The following MAN1A2 variants were observed in gnomAD, a reference collection of about 807,000 sequenced individuals.
The protein encoded by MAN1A2 is mannosyl-oligosaccharide 1,2-alpha-mannosidase IB.
Under a neutral mutation model 75.7 loss-of-function variants are expected in MAN1A2, and 26 were observed. That is an observed-to-expected ratio of 0.34 (90% CI 0.25 to 0.48). MAN1A2 has a LOEUF of 0.48. Ranked by LOEUF, MAN1A2 falls within the 20% of genes least tolerant of loss-of-function variation. The probability of loss-of-function intolerance (pLI) is 0.99; values close to 1 mark genes in which losing one functional copy is unlikely to be tolerated. For synonymous variants in MAN1A2, 247 were observed against 264.6 expected, an observed-to-expected ratio of 0.93 and a Z score of 0.65; for missense variants, 562 against 775.5, an observed-to-expected ratio of 0.72 and a Z score of 3.27.
intron 1 of MAN1A2, among the ~76,000 whole-genome samples, chr1:117,384,860 C>CT (rs1167028101): frequency 1.3e-5 from 2 of 152,100 alleles, no homozygotes; most frequent in Non-Finnish European, 2.9e-5. Context: ...TGCTTTAGTG[C>CT]TTCCTGTTGG....
At chr1:117,396,125 A>G (rs1307483869) in intron 1 of MAN1A2, among the ~76,000 whole-genome samples, 1 of 152,218 alleles carries the variant, frequency 6.6e-6, no homozygotes, top group African/African-American at 2.4e-5. Flanking sequence ...AATTACCTGT[A>G]TGGTTGAACT....
intron 12 of MAN1A2, among the ~76,000 whole-genome samples, chr1:117,518,911 C>A (rs1178298197): frequency 2.6e-5 from 4 of 152,032 alleles, no homozygotes; most frequent in Non-Finnish European, 5.9e-5. Context: ...ATGGAACTTT[C>A]TCCAAGATAG....
chr1:117,479,645 T>C (rs1229541055), intron 8 of MAN1A2, among the ~76,000 whole-genome samples: 2 of 151,892 alleles, frequency 1.3e-5, no homozygotes, highest in African/African-American at 4.8e-5. Flanking sequence ...TTCTGACTGG[T>C]GTGAGATGGT....
chr1:117,393,569 AT>A (rs1312363205), intron 1 of MAN1A2, among the ~76,000 whole-genome samples: 1 of 152,024 alleles, frequency 6.6e-6, no homozygotes, highest in Admixed American at 6.6e-5. Flanking sequence ...AGGCTATTTA[AT>A]ATCTAACTTT....
intron 11 of MAN1A2, 83 bp downstream of exon 11, chr1:117,499,637 C>T: frequency 9.0e-7 from 1 of 1,115,350 alleles, no homozygotes; most frequent in Non-Finnish European, 1.2e-6. Context: ...ACCCATGTTA[C>T]CTCATTTTTA....
intron 8 of MAN1A2, among the ~76,000 whole-genome samples, chr1:117,476,773 GTT>G (rs1650327733): frequency 6.6e-6 from 1 of 152,048 alleles, no homozygotes; most frequent in Admixed American, 6.6e-5. Flanking sequence ...TCATAGTATA[GTT>G]TGAAGTCAGG....
intron 7 of MAN1A2, among the ~76,000 whole-genome samples, chr1:117,461,493 AAT>A (rs1649819938): frequency 1.3e-5 from 2 of 152,154 alleles, no homozygotes; most frequent in African/African-American, 2.4e-5. Flanking sequence ...TTGATAGCAC[AAT>A]AGAGTGACTA....
intron 1 of MAN1A2, among the ~76,000 whole-genome samples, chr1:117,397,950 C>A (rs12566919): frequency 0.25 from 38,027 of 151,940 alleles, 5,549 homozygotes; most frequent in East Asian, 0.48. Flanking sequence ...CCACACCCGG[C>A]CTTACAACTC....
At chr1:117,495,358 C>T (rs1025240506) in intron 9 of MAN1A2, among the ~76,000 whole-genome samples, 4 of 151,696 alleles carry the variant, frequency 2.6e-5, no homozygotes, top group African/African-American at 9.7e-5. Context: ...TTTTCAAAAA[C>T]TATTCTATTA....
At chr1:117,439,535 C>G (rs1273132768) in intron 5 of MAN1A2, among the ~76,000 whole-genome samples, 1 of 151,890 alleles carries the variant, frequency 6.6e-6, no homozygotes, top group Admixed American at 6.6e-5. Flanking sequence ...GCTCTGTTGC[C>G]CAGGCTGGAG....
intron 1 of MAN1A2, among the ~76,000 whole-genome samples, chr1:117,401,148 T>G (rs1454351750): frequency 3.0e-5 from 4 of 131,446 alleles, no homozygotes; most frequent in Non-Finnish European, 6.6e-5. Flanking sequence ...TGTATAAAGG[T>G]TTTTTTTTTT....
chr1:117,493,400 C>T (rs1257751643), intron 9 of MAN1A2, 138 bp downstream of exon 9: 24 of 508,678 alleles, frequency 4.7e-5, no homozygotes, highest in Non-Finnish European at 8.3e-5. Context: ...TATGCATTCA[C>T]TGTAGAGTTT....
chr1:117,406,502 T>G (rs1220581966), intron 3 of MAN1A2, among the ~76,000 whole-genome samples: 3 of 152,170 alleles, frequency 2.0e-5, no homozygotes, highest in Non-Finnish European at 4.4e-5. Context: ...AGGATTTTTC[T>G]AATGCTGTGA....
chr1:117,453,525 C>T (rs1162488977), intron 6 of MAN1A2, among the ~76,000 whole-genome samples: 3 of 152,100 alleles, frequency 2.0e-5, no homozygotes, highest in Admixed American at 6.6e-5. Flanking sequence ...AGCAAGAGAA[C>T]CAGAATTAGA....
chr1:117,391,031 G>A (rs1397122770), intron 1 of MAN1A2, among the ~76,000 whole-genome samples: 1 of 152,042 alleles, frequency 6.6e-6, no homozygotes, highest in Non-Finnish European at 1.5e-5. Flanking sequence ...CAGTCATCTA[G>A]TTTTACTTTT....
chr1:117,405,033 C>T (rs1289943), intron 2 of MAN1A2, among the ~76,000 whole-genome samples: 3,142 of 151,946 alleles, frequency 0.021, 116 homozygotes, highest in African/African-American at 0.072. Context: ...GGTGACAGAG[C>T]GAGACTCCAT....
At chr1:117,451,694 T>C (rs922063303) in intron 6 of MAN1A2, among the ~76,000 whole-genome samples, 1 of 152,238 alleles carries the variant, frequency 6.6e-6, no homozygotes. Context: ...TTTTCTCTTG[T>C]CTGCCACCAT....
chr1:117,380,814 T>C (rs913328021), intron 1 of MAN1A2, among the ~76,000 whole-genome samples: 1 of 152,228 alleles, frequency 6.6e-6, no homozygotes, highest in African/African-American at 2.4e-5. Flanking sequence ...AGGTTTGTTA[T>C]TCTTTTTCAA....
intron 4 of MAN1A2, among the ~76,000 whole-genome samples, chr1:117,415,163 C>T (rs1001281185): frequency 2.6e-5 from 4 of 152,034 alleles, no homozygotes; most frequent in South Asian, 2.1e-4. Context: ...AAGTCACACG[C>T]CCAGCACAGT....
Sources: gnomAD v4.1 joint callset for allele counts (sites outside exome capture counted in the v4.1 genomes callset) on GRCh38, gnomAD v4.1.1 for gene constraint, MANE v1.5 for transcripts, NCBI Gene and HGNC (gene_info 2026-07-23, HGNC 2026-07-21) for gene names.